Variants in FRMD1 observed in about 807,000 individuals in gnomAD.
FRMD1 encodes the protein FERM domain-containing protein 1.
In FRMD1, 51 loss-of-function variants were observed where a neutral mutation model predicts 54.9. The ratio of observed to expected loss-of-function variants is 0.93; its 90% CI spans 0.74 to 1.17. The LOEUF (loss-of-function observed/expected upper bound fraction) is 1.17. FRMD1 is among the 50% of genes most tolerant of loss of function. The pLI is 0.00. For synonymous variants in FRMD1, 324 were observed against 306.4 expected (o/e 1.06, Z -0.60); for missense variants, 729 against 743.0 (o/e 0.98, Z 0.22).
chr6:168,091,824 A>G (rs1273909626), intron 1 of FRMD1, among the ~76,000 whole-genome samples: 1 of 152,108 alleles, frequency 6.6e-6, no homozygotes, highest in African/African-American at 2.4e-5. Flanking sequence ...CTGTTCTGCA[A>G]CCCCAGGTCC....
At chr6:168,057,726 G>A (rs998903795) in intron 10 of FRMD1, 3 of 224,926 alleles carry the variant, frequency 1.3e-5, no homozygotes, top group Admixed American at 1.0e-4. Flanking sequence ...GGAGGAAACT[G>A]TCTGGGTTCA....
chr6:168,084,459 A>G (rs962501021), upstream of FRMD1, among the ~76,000 whole-genome samples: 7 of 152,246 alleles, frequency 4.6e-5, no homozygotes, highest in African/African-American at 1.4e-4. Flanking sequence ...GCCATCTGTT[A>G]GAGGAGAACA....
rs1799452465 is a variant in FRMD1, at chr6:168,057,204, G to A, written c.1543C>T (p.Leu515=). 2.5e-6 allele frequency: 4 copies of A among 1,605,256 alleles called. No homozygotes were observed. Among genetic ancestry groups the A allele is most frequent in the Non-Finnish European group, 3.4e-6 (4 of 1,175,700 alleles). The part of the protein sequence containing the change: ...HTFHRALDCR[L]AGPCETRATL... ...GCCCTGGTCTCGCAGGGGCCTGCCA[G>A]CCTGCAGTCCAGGGCGCGGTGGAAG... The change falls in exon 11 of 11, where the codon CTG becomes TTG. Residue 515 remains leucine (L), a synonymous_variant. Coordinates refer to ENST00000283309, the MANE Select transcript of FRMD1 (RefSeq NM_024919.6).
intron 2 of FRMD1, among the ~76,000 whole-genome samples, chr6:168,074,590 G>A (rs1800477116): frequency 6.6e-6 from 1 of 151,452 alleles, no homozygotes; most frequent in East Asian, 2.0e-4. Flanking sequence ...ACATGTGAGT[G>A]GTGTGTAACT....
intron 2 of FRMD1, among the ~76,000 whole-genome samples, chr6:168,074,989 CTG>C (rs1476179013): frequency 2.7e-5 from 4 of 146,276 alleles, no homozygotes; most frequent in Admixed American, 6.8e-5. Flanking sequence ...TGGTGTGTAA[CTG>C]TGTGCACTGT....
chr6:168,085,567 G>A (rs1440439458), upstream of FRMD1, among the ~76,000 whole-genome samples: 1 of 152,246 alleles, frequency 6.6e-6, no homozygotes, highest in Non-Finnish European at 1.5e-5. Context: ...GGGGTGTGCA[G>A]AGGAGGTCGG....
upstream of FRMD1, among the ~76,000 whole-genome samples, chr6:168,083,332 T>G (rs1386898095): frequency 6.6e-6 from 1 of 152,178 alleles, no homozygotes; most frequent in African/African-American, 2.4e-5. Context: ...GGAAAGGCCG[T>G]GACCTGCCTG....
At chr6:168,061,722 T>C (rs965091838) in intron 8 of FRMD1, 85 bp downstream of exon 8, 28 of 1,354,744 alleles carry the variant, frequency 2.1e-5, no homozygotes, top group African/African-American at 4.3e-5. Flanking sequence ...ACAGAAGGCA[T>C]AGTCCGGCCA....
chr6:168,062,741 T>C (rs1296675220), intron 7 of FRMD1, 153 bp downstream of exon 7: 2 of 1,565,884 alleles, frequency 1.3e-6, no homozygotes. Flanking sequence ...GTCCACCTCC[T>C]GCGGGACAGC....
In FRMD1 at chr6:168,054,481, C is replaced by T. The variant is rs1799343402; in HGVS notation, c.*2616G>A. The T allele has an allele frequency of 6.6e-6, 1 of 151,504 alleles. No homozygotes were observed. The highest frequency in any genetic ancestry group is 1.5e-5 in the Non-Finnish European group (1 of 67,948). 9.4% of individuals were successfully genotyped at this position (151,504 alleles called of 1,614,324 possible). On this transcript the variant is annotated 3_prime_UTR_variant, in exon 11 of 11. Transcript: ENST00000283309. ...AGGGATTGGGGACTTTACCCTGTGC[C>T]CCTCCCCCACCGGCCTGCCTCATGC... is the stretch of plus-strand genomic sequence containing the variant.
At chr6:168,088,589 A>T (rs150141380) in intron 1 of FRMD1, among the ~76,000 whole-genome samples, 6 of 152,332 alleles carry the variant, frequency 3.9e-5, no homozygotes, top group African/African-American at 1.4e-4. Flanking sequence ...GAAGGAAGAC[A>T]GGAGCTGTGA....
intron 1 of FRMD1, 108 bp from the exon 2 acceptor site, chr6:168,075,443 GCATCCCCT>G (rs1800542547): frequency 1.2e-6 from 1 of 830,396 alleles, no homozygotes; most frequent in Non-Finnish European, 2.0e-6. Flanking sequence ...ACCCAGTCAG[GCATCCCCT>G]GCAGGTAACA....
Position 168,059,474 on chromosome 6 carries a change from C to G in FRMD1, c.1343-286G>C, listed in dbSNP as rs1378757550. 2.0e-5 allele frequency among the ~76,000 whole-genome samples: 3 copies of G among 152,234 alleles called. No homozygotes were observed. The highest frequency in any genetic ancestry group is 4.8e-5 in the African/African-American group (2 of 41,462). ...AGAGATGGAGGCCAACCATCCCTTC[C>G]TGGTGGACCAGACACTCCAAGGGCA... On this transcript the variant is annotated intron_variant, in intron 9 of 10. Transcript: ENST00000283309. This position sits in a 1 kb window ranked among gnomAD's most constrained non-coding sequence, Gnocchi z 4.4.
intron 2 of FRMD1, among the ~76,000 whole-genome samples, chr6:168,072,437 G>A (rs531186580): frequency 2.5e-4 from 38 of 152,308 alleles, no homozygotes; most frequent in Admixed American, 3.9e-4. Flanking sequence ...CAACCACAGC[G>A]ACCCGCCCTG....
rs2114977520 is a variant in FRMD1 at position 168,065,132 on chromosome 6, C to G, written c.462-75G>C. The G allele has an allele frequency of 2.0e-6, 3 of 1,508,746 alleles. No individual in the cohort carries two copies. In the East Asian group the frequency reaches 7.0e-5, roughly 35 times the overall value. 93.5% of individuals were successfully genotyped at this position (1,508,746 alleles called of 1,614,324 possible). A position where few individuals can be genotyped will look rare whatever the true frequency, so the allele number is the denominator to read the frequency against. On this transcript the variant is annotated intron_variant, in intron 4 of 10. Coordinates refer to ENST00000283309, the MANE Select transcript of FRMD1 (RefSeq NM_024919.6). ...TGGCCCCTCTGGCCCTGCCTTGTCC[C>G]TCCCCACACCAGCTCCCAGGGCTGT...
intron 2 of FRMD1, among the ~76,000 whole-genome samples, chr6:168,072,334 T>A (rs976817229): frequency 1.3e-5 from 2 of 152,198 alleles, no homozygotes; most frequent in Admixed American, 1.3e-4. Flanking sequence ...TTCGGGGACA[T>A]CAGGGGCTGT....
At chr6:168,081,627 A>G (rs1800833313), upstream of FRMD1, 2 of 1,072,962 alleles carry the variant, frequency 1.9e-6, no homozygotes, top group East Asian at 5.3e-5. Context: ...AGGTTTTGGA[A>G]AACAATGTGG....
intron 6 of FRMD1, among the ~76,000 whole-genome samples, 170 bp from the exon 7 acceptor site, chr6:168,063,129 T>C (rs1329798292): frequency 6.6e-6 from 1 of 152,196 alleles, no homozygotes; most frequent in Non-Finnish European, 1.5e-5. Context: ...AAAGGCATAG[T>C]TGTCATAGCA....
Position 168,059,191 on chromosome 6 carries a change from G to A in FRMD1, c.1343-3C>T, listed in dbSNP as rs776119446. The stretch of plus-strand genomic sequence containing the variant: ...GGTGCAGGGCTCCTGACGAGTGGCT[G>A]TGGGAGGAGGCAGCCGTGAGCACAG... On this transcript the variant is annotated splice_region_variant and splice_polypyrimidine_tract_variant and intron_variant, in intron 9 of 10. Transcript: ENST00000283309. This position sits in a 1 kb window ranked among gnomAD's most constrained non-coding sequence, Gnocchi z 4.4. The A allele has an allele frequency of 1.4e-5, 22 of 1,582,228 alleles. No homozygotes were observed. The highest frequency in any genetic ancestry group is 8.1e-5 in the South Asian group (7 of 86,946).
Sources: allele counts gnomAD v4.1 joint callset (sites outside exome capture counted in the v4.1 genomes callset), GRCh38; gene constraint gnomAD v4.1.1; non-coding constraint Gnocchi (gnomAD v3.1); transcripts MANE v1.5; gene names NCBI Gene and HGNC (gene_info 2026-07-23, HGNC 2026-07-21).